CPA6: variants seen among roughly 807,000 people sequenced by gnomAD.
The protein encoded by CPA6 is carboxypeptidase B.
In CPA6, 58 loss-of-function variants were observed where a neutral mutation model predicts 63.3. The observed-to-expected ratio is 0.92, with a 90% CI of 0.74 to 1.14. The LOEUF is 1.14. Among genes scored for constraint, CPA6 ranks in the 50% most tolerant of loss-of-function variants. The pLI, the probability that CPA6 is intolerant of heterozygous loss-of-function variation, is 0.00. For missense variants in CPA6, 565 were observed against 526.6 expected, an observed-to-expected ratio of 1.07 and a Z score of -0.71; for synonymous variants, 185 against 179.0, an observed-to-expected ratio of 1.03 and a Z score of -0.27.
At chr8:67,521,649 AG>A (rs1194560218) in intron 2 of CPA6, among the ~76,000 whole-genome samples, 51 of 152,374 alleles carry the variant, frequency 3.3e-4, no homozygotes, top group African/African-American at 1.2e-3. Context: ...CGTATGGTTA[AG>A]ATGAAGAACA....
intron 1 of CPA6, among the ~76,000 whole-genome samples, chr8:67,690,193 T>C (rs1239260144): frequency 6.6e-6 from 1 of 152,150 alleles, no homozygotes; most frequent in Non-Finnish European, 1.5e-5. Flanking sequence ...ATCTTATAGG[T>C]GGTTCAATTA....
chr8:67,744,760 G>A (rs931397739), intron 1 of CPA6, among the ~76,000 whole-genome samples: 1 of 152,140 alleles, frequency 6.6e-6, no homozygotes, highest in East Asian at 1.9e-4. Context: ...TTGAGATCTT[G>A]TATGTCCAGG....
intron 9 of CPA6, among the ~76,000 whole-genome samples, chr8:67,432,496 G>C (rs1380054823): frequency 6.6e-6 from 1 of 152,056 alleles, no homozygotes; most frequent in Non-Finnish European, 1.5e-5. Flanking sequence ...GTCTCACTCT[G>C]TCTCCCTGGC....
chr8:67,547,130 T>C (rs1812834511), intron 2 of CPA6, among the ~76,000 whole-genome samples: 1 of 151,488 alleles, frequency 6.6e-6, no homozygotes, highest in Non-Finnish European at 1.5e-5. Context: ...CACTGCAAGC[T>C]CTGCCTCCTG....
chr8:67,635,408 A>G lies in CPA6; in HGVS notation c.117-11157T>C, dbSNP rs539914896. ...TGCTCAGGCAGCTCTTTGGCATCTG[A>G]GAAATGCACATATTGGATGGTCTCA... On this transcript the variant is annotated intron_variant, in intron 1 of 10. Coordinates refer to ENST00000297770, the MANE Select transcript of CPA6 (RefSeq NM_020361.5). Among the ~76,000 whole-genome samples, 6 of 151,830 alleles carry G rather than the reference A, an allele frequency of 4.0e-5. No homozygotes were observed. The South Asian group carries it at 1.2e-3, about 31-fold the overall frequency.
intron 1 of CPA6, among the ~76,000 whole-genome samples, chr8:67,723,070 T>C (rs1305066889): frequency 6.6e-6 from 1 of 152,090 alleles, no homozygotes; most frequent in Non-Finnish European, 1.5e-5. Flanking sequence ...TTAAAATATA[T>C]CACACACACC....
At chr8:67,684,648 T>C (rs1032965249) in intron 1 of CPA6, among the ~76,000 whole-genome samples, 1 of 152,170 alleles carries the variant, frequency 6.6e-6, no homozygotes. Flanking sequence ...GCTTTAACTC[T>C]AGAGAAGCGG....
intron 6 of CPA6, among the ~76,000 whole-genome samples, chr8:67,485,312 C>T (rs996450858): frequency 1.5e-4 from 23 of 152,066 alleles, no homozygotes; most frequent in African/African-American, 5.1e-4. Flanking sequence ...ATATTATGAA[C>T]AAAAACTCCC....
At chr8:67,632,268 T>G (rs1210839556) in intron 1 of CPA6, among the ~76,000 whole-genome samples, 1 of 151,846 alleles carries the variant, frequency 6.6e-6, no homozygotes, top group Non-Finnish European at 1.5e-5. Context: ...ACTTGTGAGC[T>G]CAAGTGATCC....
intron 8 of CPA6, among the ~76,000 whole-genome samples, chr8:67,472,301 ACTT>A (rs200807016): frequency 0.31 from 47,444 of 151,920 alleles, 7,498 homozygotes; most frequent in Middle Eastern, 0.46. Flanking sequence ...CCCATGTCTC[ACTT>A]CAAAAATAGC....
chr8:67,646,849 G>T (rs1373759081), intron 1 of CPA6, among the ~76,000 whole-genome samples: 1 of 152,222 alleles, frequency 6.6e-6, no homozygotes, highest in Non-Finnish European at 1.5e-5. Context: ...CAGGAAGACA[G>T]TCCATGTTTC....
chr8:67,717,499 A>T (rs1246736410), intron 1 of CPA6, among the ~76,000 whole-genome samples: 1 of 152,206 alleles, frequency 6.6e-6, no homozygotes, highest in Non-Finnish European at 1.5e-5. Flanking sequence ...ATCCCCCACT[A>T]AGCACTCCCA....
intron 1 of CPA6, among the ~76,000 whole-genome samples, chr8:67,679,351 A>G (rs1215081569): frequency 6.6e-6 from 1 of 152,206 alleles, no homozygotes; most frequent in African/African-American, 2.4e-5. Context: ...CTCAGATAAA[A>G]CATATGCTTT....
chr8:67,609,263 A>G (rs1307904813), intron 2 of CPA6, among the ~76,000 whole-genome samples: 2 of 152,328 alleles, frequency 1.3e-5, no homozygotes, highest in Non-Finnish European at 2.9e-5. Context: ...CTCTCTTAAT[A>G]TCCATTGATG....
chr8:67,592,258 GC>G (rs1402799061), intron 2 of CPA6, among the ~76,000 whole-genome samples: 1 of 152,170 alleles, frequency 6.6e-6, no homozygotes, highest in Admixed American at 6.5e-5. Flanking sequence ...TGGTGGATAA[GC>G]TTTTTGATGT....
chr8:67,468,438 C>T (rs1810978428), intron 8 of CPA6, among the ~76,000 whole-genome samples: 1 of 149,492 alleles, frequency 6.7e-6, no homozygotes, highest in South Asian at 2.1e-4. Context: ...CTAAAAAATA[C>T]CAGTGGGTGT....
At chr8:67,528,656 C>T (rs896838113) in intron 2 of CPA6, among the ~76,000 whole-genome samples, 4 of 152,086 alleles carry the variant, frequency 2.6e-5, no homozygotes, top group African/African-American at 9.7e-5. Flanking sequence ...CCTTCCTCCA[C>T]ATCCCTCAAT....
chr8:67,680,068 C>T (rs1816560187), intron 1 of CPA6, among the ~76,000 whole-genome samples: 1 of 152,192 alleles, frequency 6.6e-6, no homozygotes. Context: ...GCATTTCCCC[C>T]AGGATTCCTA....
In CPA6 at chr8:67,610,884, T is replaced by C. The variant is rs185211325; in HGVS notation, c.192+13292A>G. On this transcript the variant is annotated intron_variant, in intron 2 of 10. Coordinates refer to ENST00000297770, the MANE Select transcript of CPA6 (RefSeq NM_020361.5). The stretch of plus-strand genomic sequence containing the variant: ...GTGGAAAAACAGAGTTGTTTAATTT[T>C]TTTCAATCTATAAATTGGGATAATG... Among the ~76,000 whole-genome samples the C allele has an allele frequency of 3.0e-3, 453 of 152,330 alleles. 3 individuals are homozygous for C. The highest frequency in any genetic ancestry group is 0.01 in the African/African-American group (436 of 41,568).
Sources: allele counts gnomAD v4.1 joint callset (sites outside exome capture counted in the v4.1 genomes callset), GRCh38; gene constraint gnomAD v4.1.1; transcripts MANE v1.5; gene names NCBI Gene and HGNC (gene_info 2026-07-23, HGNC 2026-07-21).